Variants in DMD observed in about 807,000 individuals in gnomAD.
DMD encodes mutant dystrophin.
In DMD, 63 loss-of-function variants were observed where a neutral mutation model predicts 330.1. The observed-to-expected ratio is 0.19, with a 90% CI of 0.16 to 0.24. The LOEUF is 0.24. Ranked by LOEUF, DMD falls within the 10% of genes least tolerant of loss-of-function variation. The pLI is 1.00. For missense variants in DMD, 3,344 were observed against 2,684.1 expected (o/e 1.25, Z -5.43); for synonymous variants, 1,223 against 959.8 (o/e 1.27, Z -5.07).
chrX:33,297,097 A>C (rs2053594615), intron 1 of DMD, among the ~76,000 whole-genome samples: 1 of 111,378 alleles, frequency 9.0e-6, no homozygotes, highest in Admixed American at 9.6e-5. Context: ...ACAAGTTTTA[A>C]GAATTATTAT....
chrX:32,206,816 T>G (rs2097071373), intron 44 of DMD: 1 of 373,731 alleles, frequency 2.7e-6, no homozygotes, highest in Non-Finnish European at 4.9e-6. Flanking sequence ...GCTGTCGTTT[T>G]GATAATGCAG....
At chrX:31,633,748 CA>C (rs2079252852) in intron 54 of DMD, among the ~76,000 whole-genome samples, 1 of 112,037 alleles carries the variant, frequency 8.9e-6, no homozygotes, top group African/African-American at 3.2e-5. Flanking sequence ...GGCTTTATCT[CA>C]AAATAGAGTG....
At chrX:32,311,081 A>C (rs1244821954) in intron 41 of DMD, among the ~76,000 whole-genome samples, 1 of 110,513 alleles carries the variant, frequency 9.0e-6, no homozygotes, top group African/African-American at 3.3e-5. Context: ...CAAAAAATAA[A>C]TACTACTTGG....
intron 55 of DMD, among the ~76,000 whole-genome samples, chrX:31,564,542 A>T (rs769033502): frequency 3.3e-4 from 37 of 112,167 alleles, no homozygotes; most frequent in Non-Finnish European, 4.7e-4. Flanking sequence ...GGTAGGAGAA[A>T]TAATTTTTAT....
rs181827570 is a variant in DMD, at chrX:31,505,568, C to T, written c.8390+1713G>A. The stretch of plus-strand genomic sequence containing the variant: ...AGTTTCCTTCTTTCTTTATATGCTA[C>T]GGTATCATATGGTGGTTAAAAGTTC... On this transcript the variant is annotated intron_variant, in intron 56 of 78. Transcript: ENST00000357033. 2.0e-3 allele frequency among the ~76,000 whole-genome samples: 225 copies of T among 111,280 alleles called. 1 individual carries two copies. Among genetic ancestry groups the T allele is most frequent in the African/African-American group, 6.7e-3 (204 of 30,609 alleles).
intron 7 of DMD, among the ~76,000 whole-genome samples, chrX:32,780,263 A>G (rs1030388036): frequency 8.9e-6 from 1 of 112,387 alleles, no homozygotes; most frequent in Non-Finnish European, 1.9e-5. Flanking sequence ...TGTACCATAC[A>G]TGGAATTCTA....
chrX:33,266,853 A>G (rs2053049944), intron 1 of DMD, among the ~76,000 whole-genome samples: 2 of 111,096 alleles, frequency 1.8e-5, no homozygotes, highest in Admixed American at 1.9e-4. Context: ...CCTCAAAATA[A>G]TAAGAACCAT....
rs780658582 is a variant in DMD at position 32,415,788 on chromosome X, C to A, written c.4072-3875G>T. On this transcript the variant is annotated intron_variant, in intron 29 of 78. Coordinates refer to ENST00000357033, the MANE Select transcript of DMD (RefSeq NM_004006.3). ...AAAAATATAAAAATAGAAAACAATC[C>A]TAGTAATGGTTACCAAGAAAAACAC... 5.4e-5 allele frequency among the ~76,000 whole-genome samples: 6 copies of A among 111,767 alleles called. No homozygotes were observed. The South Asian group carries it at 2.2e-3, about 41-fold the overall frequency.
intron 44 of DMD, among the ~76,000 whole-genome samples, chrX:32,211,649 A>G (rs988360827): frequency 3.6e-5 from 4 of 111,888 alleles, no homozygotes; most frequent in African/African-American, 1.3e-4. Context: ...TAAAGCCTAA[A>G]AAATTTCATC....
intron 7 of DMD, among the ~76,000 whole-genome samples, chrX:32,771,631 A>T (rs777009287): frequency 5.4e-5 from 6 of 111,315 alleles, no homozygotes; most frequent in African/African-American, 1.6e-4. Flanking sequence ...CACCCCTGAA[A>T]GATGCATAAC....
chrX:33,319,156 T>G (rs953397969), intron 1 of DMD, among the ~76,000 whole-genome samples: 1 of 110,811 alleles, frequency 9.0e-6, no homozygotes, highest in African/African-American at 3.3e-5. Flanking sequence ...TTCATCTTGA[T>G]CTTGGACTTC....
At chrX:31,465,548 T>C (rs1184453061) in intron 59 of DMD, among the ~76,000 whole-genome samples, 3 of 106,731 alleles carry the variant, frequency 2.8e-5, no homozygotes, top group African/African-American at 3.4e-5. Flanking sequence ...TCCTTTCTTA[T>C]GGCTGCATAG....
chrX:33,130,601 T>C (rs1183379273), intron 1 of DMD, among the ~76,000 whole-genome samples: 1 of 108,872 alleles, frequency 9.2e-6, no homozygotes, highest in African/African-American at 3.4e-5. Flanking sequence ...GTTGCCCAGG[T>C]TGGAGTGCAA....
chrX:32,366,621 G>A (rs1312836130), intron 34 of DMD, among the ~76,000 whole-genome samples: 2 of 111,380 alleles, frequency 1.8e-5, no homozygotes, highest in Non-Finnish European at 3.8e-5. Flanking sequence ...TTAGGTATAG[G>A]CTGGCCTCAT....
chrX:32,394,916 C>CAAAACAAAAAAAAAAAAAACAAAAAAAAA (rs2098030291), intron 30 of DMD, among the ~76,000 whole-genome samples: 1 of 39,034 alleles, frequency 2.6e-5, no homozygotes, highest in Non-Finnish European at 5.0e-5. Flanking sequence ...AACAAAAAAA[C>CAAAACAAAAAAAAAAAAAACAAAAAAAAA]AAAAAAAAAA....
intron 63 of DMD, among the ~76,000 whole-genome samples, chrX:31,237,702 G>A (rs1400965673): frequency 2.7e-5 from 3 of 111,414 alleles, no homozygotes; most frequent in Non-Finnish European, 5.7e-5. Flanking sequence ...CCGGTACTCC[G>A]GGAAAATACT....
chrX:31,368,259 T>C (rs941866826), intron 60 of DMD, among the ~76,000 whole-genome samples: 7 of 112,602 alleles, frequency 6.2e-5, no homozygotes, highest in African/African-American at 1.3e-4. Context: ...CTTACTCATA[T>C]CATATAGTTC....
intron 60 of DMD, among the ~76,000 whole-genome samples, chrX:31,422,037 ATATATATTT>A (rs1569540541): frequency 8.5e-3 from 65 of 7,639 alleles, no homozygotes; most frequent in Non-Finnish European, 0.058. Flanking sequence ...ACATATATAT[ATATATATTT>A]TTTTTTTTCT....
chrX:32,252,199 T>C (rs1385521972), intron 43 of DMD, among the ~76,000 whole-genome samples: 1 of 109,847 alleles, frequency 9.1e-6, no homozygotes, highest in Non-Finnish European at 1.9e-5. Flanking sequence ...CCAAGATCTC[T>C]ACCAACATCT....
Sources: gnomAD v4.1 joint callset for allele counts (sites outside exome capture counted in the v4.1 genomes callset) on GRCh38, gnomAD v4.1.1 for gene constraint, MANE v1.5 for transcripts, NCBI Gene and HGNC (gene_info 2026-07-23, HGNC 2026-07-21) for gene names.